The following PIP5K1C variants were observed in gnomAD, a reference collection of about 807,000 sequenced individuals.
PIP5K1C encodes phosphatidylinositol-4-phosphate 5-kinase type 1 gamma.
Under a neutral mutation model 80.1 loss-of-function variants are expected in PIP5K1C, and 45 were observed. That is an observed-to-expected ratio of 0.56 (90% CI 0.44 to 0.72). PIP5K1C has a LOEUF of 0.72. Among genes scored for constraint, PIP5K1C ranks in the 30% least tolerant of loss-of-function variants. The pLI, the probability that PIP5K1C is intolerant of heterozygous loss-of-function variation, is 0.00. For synonymous variants in PIP5K1C, 498 were observed against 420.1 expected, an observed-to-expected ratio of 1.19 and a Z score of -2.27; for missense variants, 753 against 954.6, an observed-to-expected ratio of 0.79 and a Z score of 2.78.
intron 16 of PIP5K1C, among the ~76,000 whole-genome samples, chr19:3,635,536 T>A (rs1284556924): frequency 6.6e-6 from 1 of 151,750 alleles, no homozygotes; most frequent in African/African-American, 2.4e-5. Flanking sequence ...ATACAAAAAA[T>A]TATTGGGGCA....
chr19:3,670,111 G>C (rs1391366908), intron 1 of PIP5K1C, among the ~76,000 whole-genome samples: 1 of 150,982 alleles, frequency 6.6e-6, no homozygotes, highest in Non-Finnish European at 1.5e-5. Flanking sequence ...GGTGGGGAGG[G>C]GGCTGGGGTC....
intron 1 of PIP5K1C, among the ~76,000 whole-genome samples, chr19:3,673,219 A>T (rs2145539145): frequency 6.6e-6 from 1 of 152,130 alleles, no homozygotes; most frequent in South Asian, 2.1e-4. Context: ...CCTTTGCACG[A>T]GCGGTGCCTC....
At chr19:3,653,692 C>T (rs911005211) in intron 6 of PIP5K1C, 103 bp from the exon 7 acceptor site, 9 of 1,096,058 alleles carry the variant, frequency 8.2e-6, no homozygotes, top group East Asian at 2.5e-5. Flanking sequence ...ATGCCCCTGG[C>T]CAGCCCCCCT....
chr19:3,666,691 G>A (rs1286006289), intron 2 of PIP5K1C, among the ~76,000 whole-genome samples: 1 of 149,940 alleles, frequency 6.7e-6, no homozygotes, highest in African/African-American at 2.5e-5. Context: ...ACACACACAG[G>A]CAAACATCCA....
chr19:3,652,482 G>T (rs958819605), intron 7 of PIP5K1C, among the ~76,000 whole-genome samples: 1 of 152,316 alleles, frequency 6.6e-6, no homozygotes, highest in South Asian at 2.1e-4. Flanking sequence ...GTTCTCAAAG[G>T]GGTCGGGGAG....
At chr19:3,655,979 G>T (rs530752565) in intron 6 of PIP5K1C, among the ~76,000 whole-genome samples, 1 of 152,236 alleles carries the variant, frequency 6.6e-6, no homozygotes, top group Admixed American at 6.5e-5. Context: ...CTGGTCTTTT[G>T]TGGGGTACCA....
At position 3,696,361 on chromosome 19, in the gene PIP5K1C, C is replaced by T. The variant is rs374380243; in HGVS notation, c.94+3936G>A. Among the ~76,000 whole-genome samples the T allele has an allele frequency of 3.3e-5, 5 of 152,344 alleles. No homozygotes were observed. Among genetic ancestry groups the T allele is most frequent in the South Asian group, 2.1e-4 (1 of 4,826 alleles). ...GAGTGGCACAGACGGTCTTGGCCCT[C>T]GTGGAGCTCTCGCTCAGGAGGAGAT... On this transcript the variant is annotated intron_variant, in intron 1 of 17. Coordinates refer to ENST00000335312, the MANE Select transcript of PIP5K1C (RefSeq NM_012398.3). The surrounding 1 kb of genome is among the most constrained non-coding windows in gnomAD (Gnocchi z 4.1).
intron 11 of PIP5K1C, among the ~76,000 whole-genome samples, chr19:3,645,044 C>T (rs1665930084): frequency 2.6e-5 from 4 of 152,244 alleles, no homozygotes; most frequent in African/African-American, 9.6e-5. Context: ...GATCCTGACA[C>T]GTGGTGTCTG....
rs958151385 is a variant in PIP5K1C at position 3,688,210 on chromosome 19, C to T, written c.94+12087G>A. 6.6e-6 allele frequency among the ~76,000 whole-genome samples: 1 copy of T among 152,340 alleles called. No homozygotes were observed. Among genetic ancestry groups the T allele is most frequent in the African/African-American group, 2.4e-5 (1 of 41,588 alleles). On this transcript the variant is annotated intron_variant, in intron 1 of 17. Coordinates refer to ENST00000335312, the MANE Select transcript of PIP5K1C (RefSeq NM_012398.3). This position sits in a 1 kb window ranked among gnomAD's most constrained non-coding sequence, Gnocchi z 5.3. ...TCTCCAGCACAGCAGAGGTGGACGCCCCTCGCGGCTGGCTCCCCAGCGTCC... is the reference window on the plus strand; with the variant it reads ...TCTCCAGCACAGCAGAGGTGGACGCTCCTCGCGGCTGGCTCCCCAGCGTCC...
At chr19:3,633,624 C>T (rs375006078) in intron 16 of PIP5K1C, 104 bp from the exon 17 acceptor site, 5 of 756,636 alleles carry the variant, frequency 6.6e-6, no homozygotes, top group South Asian at 4.1e-5. Flanking sequence ...ATAAAAGAGG[C>T]GAATCCCCCA....
chr19:3,678,024 CGGAGGGATGGAGAAT>C (rs1459599900), intron 1 of PIP5K1C, among the ~76,000 whole-genome samples: 22 of 48,438 alleles, frequency 4.5e-4, no homozygotes, highest in South Asian at 2.3e-3. Context: ...GATGGAGAGA[CGGAGGGATGGAGAAT>C]GGAGGGATGG....
chr19:3,680,777 A>T (rs1465664944), intron 1 of PIP5K1C, among the ~76,000 whole-genome samples: 1 of 152,194 alleles, frequency 6.6e-6, no homozygotes, highest in Non-Finnish European at 1.5e-5. Context: ...GGAGGCCAGG[A>T]TCTCCTCTGG....
chr19:3,638,087 C>T (rs2033783164), intron 16 of PIP5K1C: 2 of 1,432,162 alleles, frequency 1.4e-6, no homozygotes, highest in African/African-American at 1.4e-5. Context: ...GTGCCCGTGC[C>T]CAGCCCTCCT....
Position 3,655,038 on chromosome 19 carries a change from G to A in PIP5K1C, c.621+1367C>T, listed in dbSNP as rs575445711. ...CAGCAGAATCGCTTGAACCCAGGAGGCGGAGCTTGCAGTAAGCCAAGATCA... is the reference window on the plus strand; with the variant it reads ...CAGCAGAATCGCTTGAACCCAGGAGACGGAGCTTGCAGTAAGCCAAGATCA... On this transcript the variant is annotated intron_variant, in intron 6 of 17. Coordinates refer to ENST00000335312, the MANE Select transcript of PIP5K1C (RefSeq NM_012398.3). 2.3e-3 allele frequency among the ~76,000 whole-genome samples: 345 copies of A among 148,504 alleles called. 1 individual carries two copies. Among genetic ancestry groups the A allele is most frequent in the Non-Finnish European group, 3.8e-3 (254 of 67,522 alleles).
intron 15 of PIP5K1C, among the ~76,000 whole-genome samples, chr19:3,639,316 C>A (rs2033858851): frequency 6.6e-6 from 1 of 152,222 alleles, no homozygotes; most frequent in South Asian, 2.1e-4. Context: ...GCTGGCCTCA[C>A]CCTCACCGGC....
Position 3,642,899 on chromosome 19 carries a change from G to A in PIP5K1C, c.1682+8C>T, listed in dbSNP as rs1291501178. ...GAGACCCAGGGAAGGAAGGGGGTTG[G>A]GTCTCACCTGCCATCCTGTCCAGAC... On this transcript the variant is annotated splice_region_variant and intron_variant, in intron 14 of 17. Coordinates refer to ENST00000335312, the MANE Select transcript of PIP5K1C (RefSeq NM_012398.3). 1 of 1,612,074 alleles carries A rather than the reference G, an allele frequency of 6.2e-7. No individual in the cohort carries two copies. The highest frequency in any genetic ancestry group is 8.5e-7 in the Non-Finnish European group (1 of 1,178,724).
At chr19:3,669,879 A>G (rs2035144015) in intron 1 of PIP5K1C, 1 of 152,262 alleles carries the variant, frequency 6.6e-6, no homozygotes, top group African/African-American at 2.4e-5. Context: ...AGCAGCCCAT[A>G]GCTTTGCTCT....
In PIP5K1C at chr19:3,632,665, C is replaced by T. The variant is rs913993261; in HGVS notation, c.*502G>A. 6 of 157,586 alleles carry T rather than the reference C, an allele frequency of 3.8e-5. No individual in the cohort carries two copies. The highest frequency in any genetic ancestry group is 8.4e-5 in the Non-Finnish European group (6 of 71,740). 9.8% of individuals were successfully genotyped at this position (157,586 alleles called of 1,614,324 possible). On this transcript the variant is annotated 3_prime_UTR_variant, in exon 18 of 18. Coordinates refer to ENST00000335312, the MANE Select transcript of PIP5K1C (RefSeq NM_012398.3). ...AGCTGAGGGCAGGAGGGTCCGCTTCCCACGTGGATGGAGGCAGAGTTGCTC... is the reference window on the plus strand; with the variant it reads ...AGCTGAGGGCAGGAGGGTCCGCTTCTCACGTGGATGGAGGCAGAGTTGCTC...
chr19:3,667,995 A>G (rs1415838313), intron 1 of PIP5K1C, among the ~76,000 whole-genome samples: 1 of 152,154 alleles, frequency 6.6e-6, no homozygotes, highest in African/African-American at 2.4e-5. Context: ...GCCCCTCTCC[A>G]GAGTGAGGTT....
Sources: gnomAD v4.1 joint callset for allele counts (sites outside exome capture counted in the v4.1 genomes callset) on GRCh38, gnomAD v4.1.1 for gene constraint, Gnocchi (gnomAD v3.1) non-coding constraint, MANE v1.5 for transcripts, NCBI Gene and HGNC (gene_info 2026-07-23, HGNC 2026-07-21) for gene names.